The following MORN1 variants were observed in gnomAD, a reference collection of about 807,000 sequenced individuals.
MORN1 encodes MORN repeat-containing protein 1.
A neutral mutation model predicts 61.9 loss-of-function variants in MORN1; 67 were observed. The ratio of observed to expected loss-of-function variants is 1.08; its 90% CI spans 0.89 to 1.33. The LOEUF (loss-of-function observed/expected upper bound fraction) is 1.33. Ranked by LOEUF, MORN1 falls within the 40% of genes most tolerant of loss-of-function variation. MORN1 has a pLI of 0.00. For synonymous variants in MORN1, 301 were observed against 292.0 expected (o/e 1.03, Z -0.31); for missense variants, 752 against 691.2 (o/e 1.09, Z -0.99).
intron 6 of MORN1, among the ~76,000 whole-genome samples, chr1:2,384,775 A>G (rs1251964241): frequency 6.6e-6 from 1 of 152,220 alleles, no homozygotes; most frequent in Admixed American, 6.5e-5. Flanking sequence ...AGGCACACAT[A>G]TGAATACACT....
chr1:2,355,867 T>C (rs1641752409), intron 10 of MORN1, among the ~76,000 whole-genome samples: 1 of 152,182 alleles, frequency 6.6e-6, no homozygotes. Flanking sequence ...GGCTGGGGTC[T>C]GCGGCACCCT....
intron 10 of MORN1, among the ~76,000 whole-genome samples, chr1:2,341,242 C>G (rs1641387834): frequency 6.6e-6 from 1 of 152,188 alleles, no homozygotes; most frequent in Non-Finnish European, 1.5e-5. Flanking sequence ...CCCAACTGGT[C>G]CTGGGCATGC....
chr1:2,390,641 G>A (rs749721090), intron 1 of MORN1: 314 of 985,290 alleles, frequency 3.2e-4, no homozygotes, highest in Non-Finnish European at 3.7e-4. Flanking sequence ...ACAGGCTACT[G>A]TATCTGTCCC....
At chr1:2,358,042 T>C (rs1391977849) in intron 9 of MORN1, among the ~76,000 whole-genome samples, 1 of 152,112 alleles carries the variant, frequency 6.6e-6, no homozygotes, top group Non-Finnish European at 1.5e-5. Context: ...GTAAAATGCA[T>C]GGATTTTCAT....
intron 8 of MORN1, among the ~76,000 whole-genome samples, chr1:2,363,807 A>AACAAACAAAC (rs147314830): frequency 0.16 from 17,666 of 108,550 alleles, 1,400 homozygotes; most frequent in Middle Eastern, 0.23. Context: ...CAAACAAACA[A>AACAAACAAAC]AAAAATATAT....
intron 6 of MORN1, chr1:2,378,620 C>T (rs1182402280): frequency 2.8e-5 from 8 of 287,378 alleles, no homozygotes; most frequent in Admixed American, 1.4e-4. Flanking sequence ...ACACTCACGG[C>T]GCAGCTGATA....
chr1:2,367,384 C>T (rs1042691747), intron 8 of MORN1, among the ~76,000 whole-genome samples: 16 of 149,768 alleles, frequency 1.1e-4, no homozygotes, highest in Admixed American at 8.6e-4. Context: ...TTTTGGGAGA[C>T]TGAGGTGGGA....
At chr1:2,354,597 C>A (rs1190756780) in intron 10 of MORN1, among the ~76,000 whole-genome samples, 1 of 152,142 alleles carries the variant, frequency 6.6e-6, no homozygotes, top group Non-Finnish European at 1.5e-5. Context: ...ACCCTGGCCT[C>A]CCCCTCCTCT....
At chr1:2,358,486 C>T (rs1641824711) in intron 9 of MORN1, 106 bp downstream of exon 9, 1 of 1,434,358 alleles carries the variant, frequency 7.0e-7, no homozygotes, top group Non-Finnish European at 9.7e-7. Context: ...TTGTCATAAC[C>T]AGGACTTAGC....
intron 10 of MORN1, among the ~76,000 whole-genome samples, chr1:2,340,890 A>G (rs1341276600): frequency 1.3e-5 from 2 of 152,204 alleles, no homozygotes; most frequent in East Asian, 3.9e-4. Context: ...GCCGCCACAC[A>G]GACGGCCACA....
At chr1:2,377,242 A>T (rs1308923582) in intron 6 of MORN1, 1 of 152,452 alleles carries the variant, frequency 6.6e-6, no homozygotes, top group African/African-American at 2.4e-5. Flanking sequence ...CCAGGTCCAC[A>T]CCCAAAACAC....
chr1:2,340,159 C>T (rs776849940), intron 10 of MORN1, among the ~76,000 whole-genome samples: 17 of 152,150 alleles, frequency 1.1e-4, no homozygotes, highest in Admixed American at 6.5e-4. Context: ...CGGGAGACCT[C>T]GGAGGCTGCT....
In MORN1 at chr1:2,379,151, CA is replaced by C. The variant is rs1158038680; in HGVS notation, c.538-4595del. The C allele has an allele frequency of 6.4e-6, 3 of 471,178 alleles. No individual in the cohort carries two copies. In the East Asian group the frequency reaches 2.1e-4, roughly 33 times the overall value. 29.2% of individuals were successfully genotyped at this position (471,178 alleles called of 1,614,324 possible). A position where few individuals can be genotyped will look rare whatever the true frequency, so the allele number is the denominator to read the frequency against. On this transcript the variant is annotated intron_variant, in intron 6 of 13. Coordinates refer to ENST00000378531, the MANE Select transcript of MORN1 (RefSeq NM_024848.3). The stretch of plus-strand genomic sequence containing the variant: ...AACAGGTCTCCCGGAGGGGCCTCAC[CA>C]ACCCTGAGCTCATGGTGCCTGGGTA...
At chr1:2,359,485 C>T (rs1314039187) in intron 8 of MORN1, among the ~76,000 whole-genome samples, 1 of 152,174 alleles carries the variant, frequency 6.6e-6, no homozygotes, top group South Asian at 2.1e-4. Context: ...GCTGGGTGTT[C>T]AGCCACACCC....
At chr1:2,331,820 G>A (rs371703093) in intron 12 of MORN1, among the ~76,000 whole-genome samples, 1 of 151,226 alleles carries the variant, frequency 6.6e-6, no homozygotes, top group East Asian at 2.0e-4. Flanking sequence ...CGCCTCTCCC[G>A]CCGCTGCGCC....
At chr1:2,371,611 C>T (rs1213925393) in intron 8 of MORN1, 2 of 152,236 alleles carry the variant, frequency 1.3e-5, no homozygotes, top group Non-Finnish European at 1.5e-5. Context: ...AACAGTTTAG[C>T]AGTTTCTTTA....
In MORN1 at chr1:2,337,305, G is replaced by A. The variant is rs1244241128; in HGVS notation, c.1037-455C>T. The stretch of plus-strand genomic sequence containing the variant: ...TCTGCCCCAGCGGCCCATCAAGATG[G>A]ACCTGGCGTCAGGACCCGTTCTCCA... On this transcript the variant is annotated intron_variant, in intron 10 of 13. Transcript: ENST00000378531. The surrounding 1 kb of genome is among the most constrained non-coding windows in gnomAD (Gnocchi z 5.7). Among the ~76,000 whole-genome samples, 1 of 152,192 alleles carries A rather than the reference G, an allele frequency of 6.6e-6. No individual in the cohort carries two copies. The highest frequency in any genetic ancestry group is 1.5e-5 in the Non-Finnish European group (1 of 68,014).
chr1:2,332,030 C>G (rs531508009), intron 12 of MORN1: 1 of 173,274 alleles, frequency 5.8e-6, no homozygotes, highest in Non-Finnish European at 1.2e-5. Context: ...GCGCCTCTCC[C>G]GAAATTACAG....
At chr1:2,367,622 T>C (rs1642024797) in intron 8 of MORN1, among the ~76,000 whole-genome samples, 1 of 152,172 alleles carries the variant, frequency 6.6e-6, no homozygotes, top group South Asian at 2.1e-4. Context: ...TTCACAGTCC[T>C]AAATGTAAGA....
Sources: gnomAD v4.1 joint callset for allele counts (sites outside exome capture counted in the v4.1 genomes callset) on GRCh38, gnomAD v4.1.1 for gene constraint, Gnocchi (gnomAD v3.1) non-coding constraint, MANE v1.5 for transcripts, NCBI Gene and HGNC (gene_info 2026-07-23, HGNC 2026-07-21) for gene names.